Variants in DOCK8 observed in about 807,000 individuals in gnomAD.
DOCK8 encodes the protein dedicator of cytokinesis 8, also known as dedicator of cytokinesis protein 8.
DOCK8 carries 141 observed loss-of-function variants against 245.6 expected under a neutral mutation model. The ratio of observed to expected loss-of-function variants is 0.57; its 90% confidence interval spans 0.50 to 0.66. The LOEUF is 0.66. DOCK8 is among the 30% of genes least tolerant of loss of function. DOCK8 has a pLI of 0.00. For missense variants in DOCK8, 2,965 were observed against 2,603.4 expected (o/e 1.14, Z -3.02); for synonymous variants, 1,168 against 970.2 (o/e 1.20, Z -3.79).
Position 281,641 on chromosome 9 carries a change from CTGTG to C in DOCK8, c.157-4798_157-4795del, listed in dbSNP as rs60099453. On this transcript the variant is annotated intron_variant, in intron 2 of 47. Transcript: ENST00000432829. The stretch of plus-strand genomic sequence containing the variant: ...GATGTATGTATATATGTTTGTGTGC[CTGTG>C]TGTGTGTGTGTGTGTGTGTGTTGAC... Among the ~76,000 whole-genome samples the C allele has an allele frequency of 3.2e-3, 485 of 150,372 alleles. 2 individuals are homozygous for C. Among genetic ancestry groups the C allele is most frequent in the African/African-American group, 0.011 (440 of 41,070 alleles).
chr9:213,368 T>C (rs779663155), upstream of DOCK8: 4 of 152,170 alleles, frequency 2.6e-5, no homozygotes, highest in African/African-American at 4.8e-5. Context: ...TTAGGTTGTA[T>C]TGGACTGGCA....
chr9:403,996 A>ATATATG (rs2055299608), intron 26 of DOCK8, among the ~76,000 whole-genome samples: 1 of 121,958 alleles, frequency 8.2e-6, no homozygotes, highest in African/African-American at 3.8e-5. Flanking sequence ...ATATATGTGT[A>ATATATG]TATATATATA....
intron 1 of DOCK8, among the ~76,000 whole-genome samples, chr9:244,148 A>T (rs1276888410): frequency 1.4e-5 from 2 of 147,596 alleles, no homozygotes; most frequent in East Asian, 2.0e-4. Context: ...AGATCGCGCC[A>T]CTGCACTCCA....
intron 1 of DOCK8, among the ~76,000 whole-genome samples, chr9:257,849 C>T (rs2047817423): frequency 6.6e-6 from 1 of 152,142 alleles, no homozygotes; most frequent in East Asian, 1.9e-4. Flanking sequence ...ATAGCTGGGC[C>T]CATCCCTAGA....
At position 215,010 on chromosome 9, in the gene DOCK8, T is replaced by G. The variant is rs886063779; in HGVS notation, c.34T>G (p.Phe12Val). Residue 12 changes from phenylalanine to valine, a missense_variant, in exon 1 of 48, where the codon TTC (phenylalanine) becomes GTC (valine). Phe to Val is a conservative substitution (Grantham distance 50). Coordinates refer to ENST00000432829, the MANE Select transcript of DOCK8 (RefSeq NM_203447.4). Reference sequence around the variant, plus strand: ...TCTGCCGAGCGCAGAGCGCCGCGCGTTCGCGCTCAAGATCAACAGGTAAGA... The same window carrying G: ...TCTGCCGAGCGCAGAGCGCCGCGCGGTCGCGCTCAAGATCAACAGGTAAGA... ...ATLPSAERRA[F>V]ALKINRYSSA... 12 of 1,592,916 alleles carry G rather than the reference T, an allele frequency of 7.5e-6. No homozygotes were observed. The highest frequency in any genetic ancestry group is 1.0e-5 in the Non-Finnish European group (12 of 1,174,808).
At chr9:224,562 C>G (rs2046951585) in intron 1 of DOCK8, among the ~76,000 whole-genome samples, 1 of 152,118 alleles carries the variant, frequency 6.6e-6, no homozygotes, top group Admixed American at 6.5e-5. Flanking sequence ...AATACTTTTT[C>G]CTAAATCGCT....
intron 1 of DOCK8, among the ~76,000 whole-genome samples, chr9:228,332 G>T (rs922938098): frequency 5.3e-5 from 8 of 152,050 alleles, no homozygotes; most frequent in African/African-American, 1.9e-4. Flanking sequence ...ATTTTTCTTT[G>T]CACCAGCATT....
chr9:358,707 G>C (rs916385615), intron 14 of DOCK8, among the ~76,000 whole-genome samples: 13 of 152,164 alleles, frequency 8.5e-5, no homozygotes, highest in Non-Finnish European at 7.3e-5. Context: ...AAATTAGCCA[G>C]GTGTGGTGGC....
intron 1 of DOCK8, among the ~76,000 whole-genome samples, chr9:237,273 C>G (rs553548722): frequency 2.7e-4 from 41 of 152,286 alleles, no homozygotes; most frequent in African/African-American, 9.1e-4. Context: ...ACCTGAGATC[C>G]TAGGAGGAGA....
chr9:421,326 G>A (rs373519783), intron 32 of DOCK8, among the ~76,000 whole-genome samples: 8 of 152,190 alleles, frequency 5.3e-5, no homozygotes, highest in East Asian at 3.8e-4. Context: ...ATTAAAACTC[G>A]TTGATGGTAA....
chr9:339,129 G>C, intron 13 of DOCK8, 30 bp downstream of exon 13: 1 of 1,591,612 alleles, frequency 6.3e-7, no homozygotes, highest in Non-Finnish European at 8.6e-7. Context: ...ATCCTCTTTA[G>C]CTGTGCCAAA....
chr9:376,186 C>CTTTTTTTT (rs573942341), intron 18 of DOCK8, 24 bp from the exon 19 acceptor site: 1 of 1,371,590 alleles, frequency 7.3e-7, no homozygotes, highest in Non-Finnish European at 1.0e-6. Context: ...GATTGCTAAT[C>CTTTTTTTT]TTTTTTTTTT....
intron 2 of DOCK8, among the ~76,000 whole-genome samples, chr9:277,466 GAA>G (rs2048396350): frequency 1.3e-5 from 1 of 74,978 alleles, no homozygotes; most frequent in African/African-American, 5.8e-5. Flanking sequence ...AGAGAGAAGA[GAA>G]GAGAAGAGAA....
rs140977763 is a variant in DOCK8 at position 382,338 on chromosome 9, A to G, written c.2606-175A>G. Among the ~76,000 whole-genome samples the G allele has an allele frequency of 1.7e-3, 260 of 152,214 alleles. 3 individuals are homozygous for G. Among genetic ancestry groups the G allele is most frequent in the African/African-American group, 6.1e-3 (253 of 41,530 alleles). ...CTCCCTGGTGCCTTATGCCCCATCTACTTCTCTCCAAAAGATTGCCTCCTA... is the reference window on the plus strand; with the variant it reads ...CTCCCTGGTGCCTTATGCCCCATCTGCTTCTCTCCAAAAGATTGCCTCCTA... On this transcript the variant is annotated intron_variant, in intron 21 of 47. Coordinates refer to ENST00000432829, the MANE Select transcript of DOCK8 (RefSeq NM_203447.4).
rs764046452 is a variant in DOCK8, at chr9:407,019, C to G, written c.3480C>G (p.Thr1160=). Residue 1160 remains threonine, a synonymous_variant, in exon 28 of 48, where the codon ACC becomes ACG. Transcript: ENST00000432829. ...AGTACCGCCAGCAGCACTTCCTCAC[C>G]GGGCTCCTCTTCACAGAACTGGCTG... ...TSEYRQQHFL[T]GLLFTELAAA... 3.7e-6 allele frequency: 6 copies of G among 1,614,138 alleles called. No homozygotes were observed. Among genetic ancestry groups the G allele is most frequent in the South Asian group, 3.3e-5 (3 of 91,076 alleles).
intron 1 of DOCK8, among the ~76,000 whole-genome samples, chr9:265,543 A>G (rs147158277): frequency 6.6e-6 from 1 of 152,272 alleles, no homozygotes; most frequent in East Asian, 1.9e-4. Context: ...CCCTTTCACT[A>G]TTGTTTAAAA....
intron 20 of DOCK8, among the ~76,000 whole-genome samples, chr9:378,701 T>A (rs1178465334): frequency 6.6e-6 from 1 of 152,228 alleles, no homozygotes; most frequent in Non-Finnish European, 1.5e-5. Flanking sequence ...GAGCAGCTTC[T>A]CCATAGCAAG....
chr9:356,384 G>T (rs1346828376), intron 14 of DOCK8, among the ~76,000 whole-genome samples: 1 of 152,036 alleles, frequency 6.6e-6, no homozygotes, highest in Non-Finnish European at 1.5e-5. Flanking sequence ...AAAAAAACTA[G>T]CCAGGCGTGG....
intron 47 of DOCK8, among the ~76,000 whole-genome samples, 194 bp from the exon 48 acceptor site, chr9:463,961 TTTGG>T (rs1474623956): frequency 1.3e-5 from 2 of 152,202 alleles, no homozygotes; most frequent in African/African-American, 4.8e-5. Context: ...TTTTTGTTTG[TTTGG>T]TTGGTTTGTA....
Sources: gnomAD v4.1 joint callset for allele counts (sites outside exome capture counted in the v4.1 genomes callset) on GRCh38, gnomAD v4.1.1 for gene constraint, MANE v1.5 for transcripts, NCBI Gene and HGNC (gene_info 2026-07-23, HGNC 2026-07-21) for gene names.